The following GRID2 variants were observed in gnomAD, a reference collection of about 807,000 sequenced individuals.
GRID2 encodes the protein glutamate ionotropic receptor delta type subunit 2.
A neutral mutation model predicts 114.8 loss-of-function variants in GRID2; 33 were observed. That is an observed-to-expected ratio of 0.29 (90% CI 0.22 to 0.38). The LOEUF is 0.38. Ranked by LOEUF, GRID2 falls within the 10% of genes least tolerant of loss-of-function variation. The probability of loss-of-function intolerance (pLI) is 1.00; values close to 1 mark genes in which losing one functional copy is unlikely to be tolerated. For missense variants in GRID2, 1,184 were observed against 1,257.7 expected, an observed-to-expected ratio of 0.94 and a Z score of 0.89; for synonymous variants, 505 against 449.9, an observed-to-expected ratio of 1.12 and a Z score of -1.55.
At chr4:92,759,288 C>G (rs185396256) in intron 2 of GRID2, among the ~76,000 whole-genome samples, 2 of 152,196 alleles carry the variant, frequency 1.3e-5, no homozygotes, top group African/African-American at 4.8e-5. Context: ...TTGACAATAT[C>G]AACATAAACT....
intron 8 of GRID2, among the ~76,000 whole-genome samples, chr4:93,348,429 G>T (rs1318357563): frequency 6.6e-6 from 1 of 152,126 alleles, no homozygotes; most frequent in African/African-American, 2.4e-5. Context: ...TATTAGAAGT[G>T]CAATGAAGTA....
chr4:92,812,328 T>A (rs1191476676), intron 2 of GRID2, among the ~76,000 whole-genome samples: 1 of 152,110 alleles, frequency 6.6e-6, no homozygotes, highest in African/African-American at 2.4e-5. Flanking sequence ...GTGAAAATGA[T>A]CTGCCAAATC....
intron 4 of GRID2, among the ~76,000 whole-genome samples, chr4:93,150,961 T>C: frequency 6.6e-6 from 1 of 151,750 alleles, no homozygotes; most frequent in African/African-American, 2.4e-5. Flanking sequence ...ACCCCATCTC[T>C]ACTAAAAATA....
intron 8 of GRID2, among the ~76,000 whole-genome samples, chr4:93,241,627 T>C (rs1172380598): frequency 6.6e-6 from 1 of 151,862 alleles, no homozygotes; most frequent in Non-Finnish European, 1.5e-5. Flanking sequence ...AAGCTGTCCT[T>C]TCTGTTGGAT....
chr4:92,435,943 GT>G (rs1160264991), intron 1 of GRID2, among the ~76,000 whole-genome samples: 4 of 152,082 alleles, frequency 2.6e-5, no homozygotes, highest in African/African-American at 9.7e-5. Context: ...GATAGATTTT[GT>G]TGTTGTATCT....
intron 12 of GRID2, among the ~76,000 whole-genome samples, chr4:93,507,132 C>T (rs1025028475): frequency 3.3e-5 from 5 of 152,284 alleles, no homozygotes; most frequent in South Asian, 2.1e-4. Context: ...AAGGACACCC[C>T]TTCAGGCACT....
rs185629456 is a variant in GRID2, at chr4:92,347,082, A to G, written c.88+42338A>G. On this transcript the variant is annotated intron_variant, in intron 1 of 15. Transcript: ENST00000282020. ...TTCAAGTTTATTTCTCTCTTATTCC[A>G]GAAGGCTGGCAGATTGAGATTAGAA... Among the ~76,000 whole-genome samples the G allele has an allele frequency of 2.0e-5, 3 of 152,346 alleles. 1 individual carries two copies. The highest frequency in any genetic ancestry group is 2.0e-4 in the Admixed American group (3 of 15,298).
At chr4:93,565,979 C>G (rs1360419391) in intron 13 of GRID2, among the ~76,000 whole-genome samples, 1 of 152,172 alleles carries the variant, frequency 6.6e-6, no homozygotes, top group Non-Finnish European at 1.5e-5. Flanking sequence ...ATTTGACACT[C>G]ATCTGAAAGT....
chr4:92,398,073 A>G (rs1162554140), intron 1 of GRID2, among the ~76,000 whole-genome samples: 3 of 152,212 alleles, frequency 2.0e-5, no homozygotes, highest in Admixed American at 1.3e-4. Flanking sequence ...ATATATGCAG[A>G]GACATTCATT....
chr4:92,826,787 A>G (rs1578248736), intron 2 of GRID2, among the ~76,000 whole-genome samples: 1 of 152,164 alleles, frequency 6.6e-6, no homozygotes, highest in African/African-American at 2.4e-5. Context: ...TAAAATGTCA[A>G]GTATTACAAC....
chr4:92,376,375 C>A (rs1338011299), intron 1 of GRID2, among the ~76,000 whole-genome samples: 1 of 152,104 alleles, frequency 6.6e-6, no homozygotes. Flanking sequence ...TCATGCTGAT[C>A]CAAGAGATGG....
chr4:93,038,285 A>G (rs1275265914), intron 2 of GRID2, among the ~76,000 whole-genome samples: 1 of 152,052 alleles, frequency 6.6e-6, no homozygotes, highest in Non-Finnish European at 1.5e-5. Flanking sequence ...ATAGGAATGC[A>G]TGTGATTTTT....
At chr4:93,344,989 G>A (rs1004526122) in intron 8 of GRID2, among the ~76,000 whole-genome samples, 20 of 128,550 alleles carry the variant, frequency 1.6e-4, no homozygotes, top group Middle Eastern at 7.8e-3. Flanking sequence ...ATTCTAGTGT[G>A]TGTGTGTGTG....
At chr4:93,028,511 G>T (rs570620680) in intron 2 of GRID2, among the ~76,000 whole-genome samples, 1 of 152,188 alleles carries the variant, frequency 6.6e-6, no homozygotes, top group East Asian at 1.9e-4. Flanking sequence ...TAAATCATGC[G>T]TGATTAGGCA....
intron 1 of GRID2, among the ~76,000 whole-genome samples, chr4:92,459,546 C>T (rs1050184830): frequency 2.0e-5 from 3 of 152,002 alleles, no homozygotes; most frequent in African/African-American, 7.2e-5. Flanking sequence ...AGTTGATTAC[C>T]TATGTCAATT....
chr4:93,416,430 A>T (rs1391938589), intron 9 of GRID2, among the ~76,000 whole-genome samples: 1 of 152,096 alleles, frequency 6.6e-6, no homozygotes, highest in African/African-American at 2.4e-5. Flanking sequence ...ACAAGCCATT[A>T]AGAAATAGTC....
intron 2 of GRID2, among the ~76,000 whole-genome samples, chr4:92,859,290 A>T (rs1460611742): frequency 6.6e-6 from 1 of 152,202 alleles, no homozygotes; most frequent in Admixed American, 6.5e-5. Flanking sequence ...AGAATTTTTT[A>T]AATTAAGATA....
At chr4:92,695,957 C>T (rs1366262124) in intron 2 of GRID2, among the ~76,000 whole-genome samples, 1 of 152,044 alleles carries the variant, frequency 6.6e-6, no homozygotes, top group Non-Finnish European at 1.5e-5. Flanking sequence ...CTATATCTTG[C>T]ACAGATAAAA....
chr4:93,626,201 C>A, intron 13 of GRID2, 68 bp from the exon 14 acceptor site: 1 of 757,658 alleles, frequency 1.3e-6, no homozygotes, highest in Non-Finnish European at 2.2e-6. Context: ...TGTTTTTCAT[C>A]CTGTCTATGT....
Sources: gnomAD v4.1 joint callset for allele counts (sites outside exome capture counted in the v4.1 genomes callset) on GRCh38, gnomAD v4.1.1 for gene constraint, MANE v1.5 for transcripts, NCBI Gene and HGNC (gene_info 2026-07-23, HGNC 2026-07-21) for gene names.